GLRX5: variants seen among roughly 807,000 people sequenced by gnomAD.
The protein encoded by GLRX5 is glutaredoxin-related protein 5, mitochondrial.
A neutral mutation model predicts 13.8 loss-of-function variants in GLRX5; 10 were observed. The ratio of observed to expected loss-of-function variants is 0.72; its 90% CI spans 0.45 to 1.23. The LOEUF is 1.23. Ranked by LOEUF, GLRX5 falls within the 50% of genes most tolerant of loss-of-function variation. GLRX5 has a pLI of 0.00. For synonymous variants in GLRX5, 98 were observed against 101.1 expected, an observed-to-expected ratio of 0.97 and a Z score of 0.18; for missense variants, 233 against 215.2, an observed-to-expected ratio of 1.08 and a Z score of -0.52.
chr14:95,538,431 GA>G (rs1891417983), intron 1 of GLRX5, among the ~76,000 whole-genome samples: 1 of 152,218 alleles, frequency 6.6e-6, no homozygotes, highest in Admixed American at 6.5e-5. Context: ...TTAAGCATTT[GA>G]AAATACGCTC....
intron 1 of GLRX5, 145 bp downstream of exon 1, chr14:95,535,529 A>G (rs550394156): frequency 5.4e-6 from 4 of 746,528 alleles, no homozygotes; most frequent in African/African-American, 5.2e-5. Context: ...GGTTAGGGCG[A>G]GGAGTACTGC....
At chr14:95,538,194 G>T (rs1891413806) in intron 1 of GLRX5, among the ~76,000 whole-genome samples, 1 of 152,032 alleles carries the variant, frequency 6.6e-6, no homozygotes, top group Non-Finnish European at 1.5e-5. Context: ...TGCCTGTGGT[G>T]CTGTGTGTAC....
chr14:95,538,714 AC>A (rs1197500345), intron 1 of GLRX5, among the ~76,000 whole-genome samples: 5 of 152,232 alleles, frequency 3.3e-5, no homozygotes, highest in Non-Finnish European at 5.9e-5. Context: ...AGGGCCAGAG[AC>A]TAAGTACGTC....
Position 95,544,195 on chromosome 14 carries a change from A to C in GLRX5, c.*70A>C. 1 of 1,432,728 alleles carries C rather than the reference A, an allele frequency of 7.0e-7. No homozygotes were observed. The highest frequency in any genetic ancestry group is 1.4e-5 in the African/African-American group (1 of 71,124). 88.8% of individuals were successfully genotyped at this position (1,432,728 alleles called of 1,614,324 possible). A position where few individuals can be genotyped will look rare whatever the true frequency, so the allele number is the denominator to read the frequency against. On this transcript the variant is annotated 3_prime_UTR_variant, in exon 2 of 2. Transcript: ENST00000331334. ...AGAGACTCACTGCCAGAAAAGCCTT[A>C]CCCATTTTGGTTTTCACTATTGAGA...
intron 1 of GLRX5, among the ~76,000 whole-genome samples, chr14:95,539,399 G>A (rs888739880): frequency 1.3e-5 from 2 of 152,184 alleles, no homozygotes; most frequent in African/African-American, 4.8e-5. Flanking sequence ...AAGCTAAACT[G>A]TAGTTAAAAT....
chr14:95,541,285 A>G (rs73330347), intron 1 of GLRX5, among the ~76,000 whole-genome samples: 2,092 of 148,852 alleles, frequency 0.014, 37 homozygotes, highest in African/African-American at 0.05. Flanking sequence ...CGCAGGATTC[A>G]TTTTAATATT....
At chr14:95,543,165 C>G (rs1280005860) in intron 1 of GLRX5, 1 of 455,962 alleles carries the variant, frequency 2.2e-6, no homozygotes, top group East Asian at 7.0e-5. Flanking sequence ...CAGCCCTGGA[C>G]AGGGACCTTG....
chr14:95,543,879 T>A, intron 1 of GLRX5, 68 bp from the exon 2 acceptor site: 1 of 1,403,784 alleles, frequency 7.1e-7, no homozygotes, highest in South Asian at 1.2e-5. Context: ...GGGTCAAAAT[T>A]ACATATTTAG....
chr14:95,536,116 G>T (rs1044654962), intron 1 of GLRX5, among the ~76,000 whole-genome samples: 1 of 152,218 alleles, frequency 6.6e-6, no homozygotes, highest in African/African-American at 2.4e-5. Flanking sequence ...TGGCTCCTGG[G>T]CCCTGGGCTA....
At chr14:95,541,656 G>C (rs967567738) in intron 1 of GLRX5, among the ~76,000 whole-genome samples, 1 of 152,174 alleles carries the variant, frequency 6.6e-6, no homozygotes, top group Non-Finnish European at 1.5e-5. Flanking sequence ...GATTCTGGGG[G>C]TCTCCCCTTC....
chr14:95,537,996 C>T (rs138071010), intron 1 of GLRX5, among the ~76,000 whole-genome samples: 2 of 152,290 alleles, frequency 1.3e-5, no homozygotes, highest in Non-Finnish European at 2.9e-5. Flanking sequence ...GGAACTTATG[C>T]TCATGGAAGC....
rs1297271844 is a variant in GLRX5, at chr14:95,535,391, C to T, written c.295+7C>T. On this transcript the variant is annotated splice_region_variant and intron_variant, in intron 1 of 1. Coordinates refer to ENST00000331334, the MANE Select transcript of GLRX5 (RefSeq NM_016417.3). ...GACCCGGAGCTCCGACAAGGTCAGG[C>T]CAGTGTGCCGGGCAGGCGCCCTCCG... 1.9e-6 allele frequency: 3 copies of T among 1,547,214 alleles called. No homozygotes were observed. The highest frequency in any genetic ancestry group is 1.4e-5 in the African/African-American group (1 of 73,138).
chr14:95,535,101 C>G lies in GLRX5; in HGVS notation c.12C>G (p.Ser4=). The G allele has an allele frequency of 2.3e-6, 3 of 1,317,054 alleles. No homozygotes were observed. The highest frequency in any genetic ancestry group is 2.9e-6 in the Non-Finnish European group (3 of 1,020,230). The allele number at this position is 1,317,054 out of a possible 1,614,324, so 81.6% of individuals were successfully genotyped here. ...GCTTGCGTGCGGAGATGAGCGGGTCCCTCGGCCGAGCTGCGGCGGCTCTGC... is the reference window on the plus strand; with the variant it reads ...GCTTGCGTGCGGAGATGAGCGGGTCGCTCGGCCGAGCTGCGGCGGCTCTGC... MSG[S]LGRAAAALLR... The change falls in exon 1 of 2, where the codon TCC becomes TCG. Residue 4 remains serine, a synonymous_variant. Transcript: ENST00000331334.
intron 1 of GLRX5, among the ~76,000 whole-genome samples, chr14:95,539,789 C>G (rs1454440482): frequency 6.6e-6 from 1 of 152,048 alleles, no homozygotes; most frequent in Non-Finnish European, 1.5e-5. Context: ...GATAATTGTA[C>G]CTGCCTTGTC....
intron 1 of GLRX5, chr14:95,543,136 G>C: frequency 2.2e-6 from 1 of 455,950 alleles, no homozygotes. Context: ...AGCAGAGCGG[G>C]TCTCACTCCC....
chr14:95,542,559 T>G (rs951443900), intron 1 of GLRX5, among the ~76,000 whole-genome samples: 1 of 152,196 alleles, frequency 6.6e-6, no homozygotes, highest in East Asian at 1.9e-4. Flanking sequence ...ATAACTGAAA[T>G]CAGTAATTTT....
chr14:95,536,752 A>G (rs532720866), intron 1 of GLRX5, among the ~76,000 whole-genome samples: 3 of 152,158 alleles, frequency 2.0e-5, no homozygotes, highest in Admixed American at 1.3e-4. Context: ...TTTCAAATGT[A>G]TTTTTTCCCA....
chr14:95,535,753 C>CAT (rs1188536413), intron 1 of GLRX5, among the ~76,000 whole-genome samples: 52 of 152,266 alleles, frequency 3.4e-4, no homozygotes, highest in African/African-American at 1.2e-3. Flanking sequence ...TTAGGAAACT[C>CAT]ATAGTAAGGA....
intron 1 of GLRX5, among the ~76,000 whole-genome samples, chr14:95,537,561 C>T (rs1891402524): frequency 6.6e-6 from 1 of 152,234 alleles, no homozygotes; most frequent in African/African-American, 2.4e-5. Flanking sequence ...GACTCTTCCC[C>T]TCTTCCCTAT....
Sources: gnomAD v4.1 joint callset for allele counts (sites outside exome capture counted in the v4.1 genomes callset) on GRCh38, gnomAD v4.1.1 for gene constraint, MANE v1.5 for transcripts, NCBI Gene and HGNC (gene_info 2026-07-23, HGNC 2026-07-21) for gene names.